MED13: variants seen among roughly 807,000 people sequenced by gnomAD.
MED13 encodes mediator of RNA polymerase II transcription subunit 13.
A neutral mutation model predicts 225.2 loss-of-function variants in MED13; 23 were observed. That is an observed-to-expected ratio of 0.10 (90% confidence interval 0.07 to 0.14). The LOEUF (loss-of-function observed/expected upper bound fraction) is 0.14, where lower values mean the gene tolerates loss of function less well. MED13 is among the 10% of genes least tolerant of loss of function. The pLI, the probability that MED13 is intolerant of heterozygous loss-of-function variation, is 1.00. For missense variants in MED13, 2,197 were observed against 2,594.5 expected (o/e 0.85, Z 3.33); for synonymous variants, 942 against 889.2 (o/e 1.06, Z -1.06).
At position 61,947,032 on chromosome 17, in the gene MED13, G is replaced by A. The variant is rs750471407; in HGVS notation, c.6292-15C>T. 4 of 1,584,962 alleles carry A rather than the reference G, an allele frequency of 2.5e-6. No homozygotes were observed. The highest frequency in any genetic ancestry group is 3.5e-6 in the Non-Finnish European group (4 of 1,154,174). ...TGCAAAGAGGCCTAAGAAGGTAACA[G>A]GTAATCAATCAGTCAGCCAAACAGA... On this transcript the variant is annotated splice_polypyrimidine_tract_variant and intron_variant, in intron 28 of 29. Transcript: ENST00000397786.
chr17:61,952,774 C>A (rs1427687459), intron 27 of MED13, among the ~76,000 whole-genome samples, 191 bp downstream of exon 27: 1 of 152,110 alleles, frequency 6.6e-6, no homozygotes, highest in Non-Finnish European at 1.5e-5. Context: ...GTAGCTGGGA[C>A]TACAGGTGCG....
intron 9 of MED13, among the ~76,000 whole-genome samples, chr17:61,995,836 T>G (rs2080342276): frequency 6.6e-6 from 1 of 152,154 alleles, no homozygotes; most frequent in Non-Finnish European, 1.5e-5. Flanking sequence ...AGATATACTT[T>G]AAGTTTTAAA....
chr17:62,001,049 A>G (rs565138911), intron 9 of MED13, among the ~76,000 whole-genome samples: 1 of 152,300 alleles, frequency 6.6e-6, no homozygotes, highest in East Asian at 1.9e-4. Flanking sequence ...GGCGTGAGTC[A>G]CTGCGCCCAG....
intron 8 of MED13, among the ~76,000 whole-genome samples, chr17:62,025,623 T>C (rs1567986340): frequency 6.6e-6 from 1 of 151,230 alleles, no homozygotes; most frequent in Non-Finnish European, 1.5e-5. Flanking sequence ...TGAGCCGAGA[T>C]CACACCATTG....
chr17:62,019,746 CTTTTTTTT>C (rs60862205), intron 8 of MED13, among the ~76,000 whole-genome samples: 1 of 142,984 alleles, frequency 7.0e-6, no homozygotes, highest in Admixed American at 7.0e-5. Context: ...TTCTTTTTTT[CTTTTTTTT>C]TTTTTTGAGA....
rs1020275642 is a variant in MED13, at chr17:61,946,784, T to C, written c.6392+133A>G. 9.4e-6 allele frequency: 10 copies of C among 1,069,064 alleles called. No homozygotes were observed. The African/African-American group carries it at 1.3e-4, about 14-fold the overall frequency. 66.2% of individuals were successfully genotyped at this position (1,069,064 alleles called of 1,614,324 possible). A position where few individuals can be genotyped will look rare whatever the true frequency, so the allele number is the denominator to read the frequency against. ...CAAAAGTAGATTACTCAAGTTAGAA[T>C]AGCAGTGTTTATCTAGAGATCCACT... On this transcript the variant is annotated intron_variant, in intron 29 of 29. Coordinates refer to ENST00000397786, the MANE Select transcript of MED13 (RefSeq NM_005121.3).
chr17:61,992,305 A>G (rs543204308), intron 11 of MED13, among the ~76,000 whole-genome samples: 1 of 152,350 alleles, frequency 6.6e-6, no homozygotes, highest in East Asian at 1.9e-4. Context: ...ATAGAAAACT[A>G]TTTTTATATG....
At chr17:62,006,476 A>G (rs2080449929) in intron 9 of MED13, 1 of 152,214 alleles carries the variant, frequency 6.6e-6, no homozygotes, top group Admixed American at 6.5e-5. Context: ...TTCCCTTCCA[A>G]AAATTCCCCA....
intron 2 of MED13, among the ~76,000 whole-genome samples, chr17:62,054,776 C>A (rs570957807): frequency 2.0e-5 from 3 of 152,290 alleles, no homozygotes; most frequent in African/African-American, 7.2e-5. Flanking sequence ...TTAGGAATAT[C>A]TTCCAATTCT....
Position 62,033,774 on chromosome 17 carries a change from T to A in MED13, c.814+13A>T. On this transcript the variant is annotated intron_variant, in intron 5 of 29. Transcript: ENST00000397786. ...TGCATTTTCCCCTTAGGAATAATAC[T>A]CAGGATCCATACCAACAAGAACTTC... is the stretch of plus-strand genomic sequence containing the variant. 6.2e-7 allele frequency: 1 copy of A among 1,612,096 alleles called. No individual in the cohort carries two copies. Among genetic ancestry groups the A allele is most frequent in the Non-Finnish European group, 8.5e-7 (1 of 1,178,546 alleles).
chr17:61,961,946 T>A (rs1254031283), intron 21 of MED13, among the ~76,000 whole-genome samples, 167 bp from the exon 22 acceptor site: 1 of 152,226 alleles, frequency 6.6e-6, no homozygotes, highest in Non-Finnish European at 1.5e-5. Context: ...TTTTAATAAG[T>A]AGCCAATTTT....
At chr17:62,038,053 AG>A (rs1158451827) in intron 3 of MED13, among the ~76,000 whole-genome samples, 1 of 148,876 alleles carries the variant, frequency 6.7e-6, no homozygotes, top group Non-Finnish European at 1.5e-5. Context: ...AGTGGAGTAT[AG>A]TTCTTAAAAA....
At chr17:61,991,636 T>A (rs2080299839) in intron 11 of MED13, among the ~76,000 whole-genome samples, 1 of 152,088 alleles carries the variant, frequency 6.6e-6, no homozygotes, top group East Asian at 1.9e-4. Context: ...GCCTCCCGAG[T>A]AGCTGGAACC....
At chr17:62,060,730 C>T (rs916084956) in intron 2 of MED13, among the ~76,000 whole-genome samples, 1 of 150,528 alleles carries the variant, frequency 6.6e-6, no homozygotes, top group African/African-American at 2.4e-5. Flanking sequence ...GACAGAGTCT[C>T]ACTCTGTCGC....
rs201159157 is a variant in MED13, at chr17:62,033,916, T to C, written c.685A>G (p.Thr229Ala). The C allele has an allele frequency of 1.5e-5, 24 of 1,614,124 alleles. No individual in the cohort carries two copies. The highest frequency in any genetic ancestry group is 2.0e-5 in the Non-Finnish European group (24 of 1,180,010). ...GQAFKMSDSA[T>A]KKLIGEWKQF... ...TTCCATTCACCAATTAATTTTTTTG[T>C]AGCTGAATCAGACATCTTGAATGCC... Residue 229 changes from threonine (T) to alanine (A), a missense_variant, in exon 5 of 30, where the codon ACA becomes GCA. Physicochemically the swap from Thr to Ala is moderately conservative, Grantham distance 58. Around this residue, in one of 12 missense-constraint regions of MED13, gnomAD observed 884 missense variants for 918.5 expected, o/e 0.96. Transcript: ENST00000397786.
chr17:61,987,915 TTTTTTTTCCTCG>T lies in MED13; in HGVS notation c.2264-799_2264-788del, dbSNP rs2080262379. Among the ~76,000 whole-genome samples the T allele has an allele frequency of 2.6e-5, 4 of 152,040 alleles. No individual in the cohort carries two copies. In the South Asian group the frequency reaches 8.3e-4, roughly 32 times the overall value. Reference sequence around the variant, plus strand: ...GTGACCCTATGCCCAGTTAATTTTTTTTTTTTTCCTCGAGTTGGGGTTTTGCCATATTGCCCA... The same window carrying T: ...GTGACCCTATGCCCAGTTAATTTTTTAGTTGGGGTTTTGCCATATTGCCCA... On this transcript the variant is annotated intron_variant, in intron 11 of 29. Coordinates refer to ENST00000397786, the MANE Select transcript of MED13 (RefSeq NM_005121.3).
intron 21 of MED13, 107 bp from the exon 22 acceptor site, chr17:61,961,886 C>A: frequency 9.5e-7 from 1 of 1,052,840 alleles, no homozygotes; most frequent in Non-Finnish European, 1.4e-6. Context: ...TTACACAAAA[C>A]CTAATTTAAA....
chr17:62,015,211 T>A (rs2080551400), intron 8 of MED13, among the ~76,000 whole-genome samples: 1 of 152,196 alleles, frequency 6.6e-6, no homozygotes, highest in South Asian at 2.1e-4. Flanking sequence ...ATATTAGGTA[T>A]GACGGTAGAA....
rs1173562800 is a variant in MED13 at position 61,996,420 on chromosome 17, T to C, written c.1968-1055A>G. On this transcript the variant is annotated intron_variant, in intron 9 of 29. Coordinates refer to ENST00000397786, the MANE Select transcript of MED13 (RefSeq NM_005121.3). ...GAATCTTGCAATGACTATTTCACTC[T>C]GAGAAAAAAACCAAAGTCCTTATAC... is the stretch of plus-strand genomic sequence containing the variant. 5.9e-5 allele frequency among the ~76,000 whole-genome samples: 9 copies of C among 152,304 alleles called. No homozygotes were observed. The East Asian group carries it at 9.6e-4, about 16-fold the overall frequency.
Sources: allele counts gnomAD v4.1 joint callset (sites outside exome capture counted in the v4.1 genomes callset), GRCh38; gene constraint gnomAD v4.1.1; regional missense constraint gnomAD v4.1.1; transcripts MANE v1.5; gene names NCBI Gene and HGNC (gene_info 2026-07-23, HGNC 2026-07-21).